DEPDC5: variants seen among roughly 807,000 people sequenced by gnomAD.
DEPDC5 encodes GATOR1 complex protein DEPDC5.
In DEPDC5, 73 loss-of-function variants were observed where a neutral mutation model predicts 217.3. The ratio of observed to expected loss-of-function variants is 0.34; its 90% confidence interval spans 0.28 to 0.41. The LOEUF (loss-of-function observed/expected upper bound fraction) is 0.41, where lower values mean the gene tolerates loss of function less well. Ranked by LOEUF, DEPDC5 falls within the 10% of genes least tolerant of loss-of-function variation. The probability of loss-of-function intolerance (pLI) is 1.00; values close to 1 mark genes in which losing one functional copy is unlikely to be tolerated. For missense variants in DEPDC5, 1,675 were observed against 2,070.1 expected (o/e 0.81, Z 3.70); for synonymous variants, 733 against 756.7 (o/e 0.97, Z 0.51).
At chr22:31,805,693 A>G (rs142094229) in intron 17 of DEPDC5, among the ~76,000 whole-genome samples, 1 of 151,962 alleles carries the variant, frequency 6.6e-6, no homozygotes, top group East Asian at 1.9e-4. Context: ...TAGAAACGAG[A>G]TTTCACTGTG....
chr22:31,872,735 TTTTTA>T (rs67287577), intron 34 of DEPDC5, among the ~76,000 whole-genome samples: 51,917 of 150,848 alleles, frequency 0.34, 9,854 homozygotes, highest in African/African-American at 0.51. Context: ...ATGTGGACAT[TTTTTA>T]TTTTATTTTA....
intron 27 of DEPDC5, among the ~76,000 whole-genome samples, chr22:31,840,278 A>C (rs1355350044): frequency 6.6e-6 from 1 of 152,102 alleles, no homozygotes; most frequent in Non-Finnish European, 1.5e-5. Flanking sequence ...GCAGGTTGGA[A>C]ATGGAGGGCA....
In DEPDC5 at chr22:31,836,988, T is replaced by G. The variant is rs1395354365; in HGVS notation, c.2187T>G (p.Ala729=). 1 of 1,612,914 alleles carries G rather than the reference T, an allele frequency of 6.2e-7. No individual in the cohort carries two copies. Among genetic ancestry groups the G allele is most frequent in the Admixed American group, 1.7e-5 (1 of 59,874 alleles). The change falls in exon 26 of 43, where the codon GCT becomes GCG. Residue 729 remains alanine (A), a synonymous_variant. Coordinates refer to ENST00000651528, the MANE Select transcript of DEPDC5 (RefSeq NM_001242896.3). ...TSPDPILTLS[A]PPVVPGFCCT... is the part of the protein sequence containing the mutation. Reference sequence around the variant, plus strand: ...GTGAGGCAGTTCTGACACTGTCTGCTCCCCCTGTAGTGCCAGGCTTCTGTT... The same window carrying G: ...GTGAGGCAGTTCTGACACTGTCTGCGCCCCCTGTAGTGCCAGGCTTCTGTT...
intron 21 of DEPDC5, among the ~76,000 whole-genome samples, chr22:31,818,444 T>A (rs1297857466): frequency 3.3e-5 from 5 of 152,178 alleles, no homozygotes; most frequent in African/African-American, 1.2e-4. Context: ...GGAAAAAGAA[T>A]GCAGATCATT....
At chr22:31,876,059 A>G in intron 36 of DEPDC5, 98 bp from the exon 37 acceptor site, 2 of 985,648 alleles carry the variant, frequency 2.0e-6, no homozygotes, top group Non-Finnish European at 3.1e-6. Flanking sequence ...GGGTCTCCTC[A>G]GTGCTCCTGT....
chr22:31,779,949 C>T (rs2084259501), intron 8 of DEPDC5, among the ~76,000 whole-genome samples: 1 of 152,164 alleles, frequency 6.6e-6, no homozygotes, highest in African/African-American at 2.4e-5. Context: ...CACAACACTT[C>T]CATTTAAATC....
chr22:31,784,503 C>A, intron 9 of DEPDC5: 1 of 238,206 alleles, frequency 4.2e-6, no homozygotes. Flanking sequence ...GTGGTGGGCG[C>A]CTGTAATCCC....
At chr22:31,873,029 A>T (rs1228602215) in intron 34 of DEPDC5, 3 of 721,292 alleles carry the variant, frequency 4.2e-6, no homozygotes, top group Non-Finnish European at 4.1e-6. Flanking sequence ...TGCTGGGATT[A>T]CAGACGTAAG....
chr22:31,819,288 G>A (rs938327013), intron 22 of DEPDC5, 63 bp downstream of exon 22: 14 of 1,566,822 alleles, frequency 8.9e-6, no homozygotes, highest in African/African-American at 2.7e-5. Flanking sequence ...CCTCAGTGTC[G>A]GTCACCCATG....
intron 6 of DEPDC5, among the ~76,000 whole-genome samples, chr22:31,768,047 A>G (rs2082980399): frequency 6.7e-6 from 1 of 150,030 alleles, no homozygotes; most frequent in African/African-American, 2.4e-5. Flanking sequence ...ACCCGGCCCC[A>G]TTTTTTAAAA....
chr22:31,775,513 G>A (rs2083749513), intron 7 of DEPDC5, among the ~76,000 whole-genome samples: 1 of 152,074 alleles, frequency 6.6e-6, no homozygotes, highest in Non-Finnish European at 1.5e-5. Context: ...GATTGCTTAG[G>A]TGAGGCAGGT....
At chr22:31,775,733 G>C (rs1340612106) in intron 7 of DEPDC5, among the ~76,000 whole-genome samples, 5 of 151,872 alleles carry the variant, frequency 3.3e-5, no homozygotes, top group Non-Finnish European at 7.4e-5. Flanking sequence ...ACATTATCTG[G>C]TTTAATTTGA....
intron 32 of DEPDC5, among the ~76,000 whole-genome samples, 188 bp from the exon 33 acceptor site, chr22:31,861,176 CTCTT>C (rs1270099091): frequency 2.0e-5 from 3 of 150,578 alleles, no homozygotes; most frequent in Admixed American, 6.6e-5. Context: ...CTCTCTCTCT[CTCTT>C]TTTTTTTTTT....
At chr22:31,793,608 C>G (rs1180242911) in intron 12 of DEPDC5, among the ~76,000 whole-genome samples, 2 of 152,024 alleles carry the variant, frequency 1.3e-5, no homozygotes, top group East Asian at 1.9e-4. Flanking sequence ...ATTTCACTCT[C>G]TCGCCCAGGC....
intron 6 of DEPDC5, among the ~76,000 whole-genome samples, chr22:31,767,967 G>A (rs564930937): frequency 4.3e-4 from 64 of 150,280 alleles, no homozygotes; most frequent in African/African-American, 1.5e-3. Flanking sequence ...GGATGGTCTC[G>A]ATCTCCTGAC....
At chr22:31,869,710 G>A (rs184648010) in intron 33 of DEPDC5, among the ~76,000 whole-genome samples, 134 of 152,254 alleles carry the variant, frequency 8.8e-4, no homozygotes, top group African/African-American at 3.2e-3. Flanking sequence ...GTGAATGGTA[G>A]GCAGTGTGGT....
chr22:31,836,952 C>G lies in DEPDC5; in HGVS notation c.2171-20C>G. The G allele has an allele frequency of 7.0e-7, 1 of 1,422,170 alleles. No homozygotes were observed. The highest frequency in any genetic ancestry group is 9.4e-7 in the Non-Finnish European group (1 of 1,059,230). 88.1% of individuals were successfully genotyped at this position (1,422,170 alleles called of 1,614,324 possible). On this transcript the variant is annotated intron_variant, in intron 25 of 42. Transcript: ENST00000651528. ...GCCATGGTGACCACATGTACCTTTTCCCCCTGTTACGTGAGGCAGTTCTGA... is the reference window on the plus strand; with the variant it reads ...GCCATGGTGACCACATGTACCTTTTGCCCCTGTTACGTGAGGCAGTTCTGA...
At chr22:31,805,048 C>T (rs1042042016) in intron 17 of DEPDC5, 133 bp downstream of exon 17, 2 of 812,406 alleles carry the variant, frequency 2.5e-6, no homozygotes, top group Non-Finnish European at 3.9e-6. Context: ...CAAGTTCTAA[C>T]ATTTGCTCAA....
At chr22:31,775,458 G>A (rs1826491632) in intron 7 of DEPDC5, among the ~76,000 whole-genome samples, 1 of 152,090 alleles carries the variant, frequency 6.6e-6, no homozygotes, top group Non-Finnish European at 1.5e-5. Context: ...GATTACAGAT[G>A]TGAGCCACTG....
Sources: allele counts gnomAD v4.1 joint callset (sites outside exome capture counted in the v4.1 genomes callset), GRCh38; gene constraint gnomAD v4.1.1; transcripts MANE v1.5; gene names NCBI Gene and HGNC (gene_info 2026-07-23, HGNC 2026-07-21).